SRGAP2C: variants seen among roughly 807,000 people sequenced by gnomAD.
SRGAP2C encodes the protein SLIT-ROBO Rho GTPase activating protein 2C, also known as SLIT-ROBO Rho GTPase-activating protein 2C.
A neutral mutation model predicts 25.1 loss-of-function variants in SRGAP2C; 15 were observed. The ratio of observed to expected loss-of-function variants is 0.60; its 90% confidence interval spans 0.40 to 0.92. The LOEUF (loss-of-function observed/expected upper bound fraction) is 0.92. Ranked by LOEUF, SRGAP2C falls within the 40% of genes least tolerant of loss-of-function variation. SRGAP2C has a pLI of 0.00. For synonymous variants in SRGAP2C, 44 were observed against 96.6 expected, an observed-to-expected ratio of 0.46 and a Z score of 3.19; for missense variants, 144 against 264.4, an observed-to-expected ratio of 0.54 and a Z score of 3.16.
At chr1:121,347,208 A>G (rs1349807545) in intron 4 of SRGAP2C, among the ~76,000 whole-genome samples, 1 of 109,940 alleles carries the variant, frequency 9.1e-6, no homozygotes, top group Non-Finnish European at 1.8e-5. Flanking sequence ...CAGCTAAGGA[A>G]GGCAAATCTG....
Position 121,390,866 on chromosome 1 carries a change from C to A in SRGAP2C, c.*3011C>A, listed in dbSNP as rs1553357565. 6.6e-6 allele frequency: 1 copy of A among 150,850 alleles called. No homozygotes were observed. The highest frequency in any genetic ancestry group is 1.5e-5 in the Non-Finnish European group (1 of 67,838). 9.3% of individuals were successfully genotyped at this position (150,850 alleles called of 1,614,324 possible). A position where few individuals can be genotyped will look rare whatever the true frequency, so the allele number is the denominator to read the frequency against. ...GACCAGCCTGGACAATGTGGTGAAA[C>A]CCTGTCTCTACTAAAAACACAAAAA... On this transcript the variant is annotated 3_prime_UTR_variant, in exon 10 of 10. Transcript: ENST00000367123.
In SRGAP2C at chr1:121,362,329, A is replaced by G. The variant is rs587671049; in HGVS notation, c.424-2964A>G. 10 of 146,194 alleles carry G rather than the reference A, an allele frequency of 6.8e-5. No individual in the cohort carries two copies. In the South Asian group the frequency reaches 2.3e-3, roughly 33 times the overall value. The allele number at this position is 146,194 out of a possible 1,614,324, so 9.1% of individuals were successfully genotyped here. On this transcript the variant is annotated intron_variant, in intron 4 of 9. Coordinates refer to ENST00000367123, the MANE Select transcript of SRGAP2C (RefSeq NM_001329984.2). Reference sequence around the variant, plus strand: ...CACATTTTAAGTGGGCTCGCTACACATGTATTCCCAGCCCAACCCTCAGCC... The same window carrying G: ...CACATTTTAAGTGGGCTCGCTACACGTGTATTCCCAGCCCAACCCTCAGCC...
rs1190926165 is a variant in SRGAP2C, at chr1:121,239,284, A to ATAC, written c.68-45517_68-45516insCTA. Among the ~76,000 whole-genome samples, 5 of 13,008 alleles carry ATAC rather than the reference A, an allele frequency of 3.8e-4. 2 individuals are homozygous for ATAC. The highest frequency in any genetic ancestry group is 4.7e-4 in the Non-Finnish European group (4 of 8,560). The allele number at this position is 13,008 out of a possible 152,430, so 8.5% of individuals were successfully genotyped here. On this transcript the variant is annotated intron_variant, in intron 2 of 9. Transcript: ENST00000367123. ...TATATATACTATATATATATATACT[A>ATAC]TATATATATATATATACATGCAACA...
intron 2 of SRGAP2C, among the ~76,000 whole-genome samples, chr1:121,270,208 T>TG (rs1656908414): frequency 1.3e-5 from 2 of 150,800 alleles, no homozygotes; most frequent in South Asian, 4.2e-4. Context: ...TACACTTGAG[T>TG]GATGACTCAG....
chr1:121,240,609 A>ATCAG (rs1265263478), intron 2 of SRGAP2C, among the ~76,000 whole-genome samples: 1 of 97,344 alleles, frequency 1.0e-5, no homozygotes, highest in Non-Finnish European at 1.9e-5. Flanking sequence ...GACAGTTTGC[A>ATCAG]TCAGTCAGTC....
At chr1:121,375,025 A>T in intron 7 of SRGAP2C, 71 bp downstream of exon 7, 1 of 719,918 alleles carries the variant, frequency 1.4e-6, no homozygotes, top group Non-Finnish European at 2.6e-6. Context: ...GACATTCCCG[A>T]TACTATTGTT....
Position 121,319,155 on chromosome 1 carries a change from TC to T in SRGAP2C, c.261-5322del, listed in dbSNP as rs1553340841. ...GCATAGTTCTTTTGCATCCATCATTTCATTTGATCCACACAACAGCCCTGAG... is the reference window on the plus strand; with the variant it reads ...GCATAGTTCTTTTGCATCCATCATTTATTTGATCCACACAACAGCCCTGAG... On this transcript the variant is annotated intron_variant, in intron 3 of 9. Coordinates refer to ENST00000367123, the MANE Select transcript of SRGAP2C (RefSeq NM_001329984.2). Among the ~76,000 whole-genome samples the T allele has an allele frequency of 5.9e-3, 854 of 144,660 alleles. 7 individuals carry two copies. The highest frequency in any genetic ancestry group is 0.028 in the Middle Eastern group (8 of 288). The allele number at this position is 144,660 out of a possible 152,430, so 94.9% of individuals were successfully genotyped here.
intron 3 of SRGAP2C, among the ~76,000 whole-genome samples, chr1:121,291,088 G>A (rs1657481877): frequency 7.3e-6 from 1 of 136,728 alleles, no homozygotes; most frequent in Non-Finnish European, 1.6e-5. Context: ...AGGTTTTGGG[G>A]TAATCTACAC....
intron 3 of SRGAP2C, among the ~76,000 whole-genome samples, chr1:121,323,960 A>G (rs1658266203): frequency 6.6e-6 from 1 of 152,198 alleles, no homozygotes; most frequent in Non-Finnish European, 1.5e-5. Flanking sequence ...AAACCAAATG[A>G]CTTAGTGGCT....
At chr1:121,341,602 C>A in intron 4 of SRGAP2C, among the ~76,000 whole-genome samples, 1 of 139,882 alleles carries the variant, frequency 7.1e-6, no homozygotes, top group Non-Finnish European at 1.5e-5. Context: ...ACATCTAAGG[C>A]CATGAGATGG....
intron 7 of SRGAP2C, among the ~76,000 whole-genome samples, chr1:121,375,704 G>C (rs587645391): frequency 2.0e-5 from 3 of 151,134 alleles, no homozygotes; most frequent in Admixed American, 2.0e-4. Flanking sequence ...TAACTAAAGA[G>C]TTACAATGCC....
intron 5 of SRGAP2C, among the ~76,000 whole-genome samples, chr1:121,368,055 A>G (rs1201723712): frequency 1.5e-3 from 129 of 88,506 alleles, no homozygotes; most frequent in Middle Eastern, 0.012. Flanking sequence ...CAGCCTGGGC[A>G]ACAGAGCGAG....
intron 2 of SRGAP2C, among the ~76,000 whole-genome samples, chr1:121,231,036 G>C (rs1209529073): frequency 1.5e-5 from 2 of 130,356 alleles, no homozygotes; most frequent in African/African-American, 3.1e-5. Flanking sequence ...GGCCTGTCGG[G>C]GGGTGAGAGG....
At chr1:121,291,100 CAAAG>C (rs1360180487) in intron 3 of SRGAP2C, among the ~76,000 whole-genome samples, 2 of 116,188 alleles carry the variant, frequency 1.7e-5, no homozygotes, top group East Asian at 4.3e-4. Context: ...AATCTACACA[CAAAG>C]TAAGAGCAAA....
intron 2 of SRGAP2C, among the ~76,000 whole-genome samples, chr1:121,198,998 G>A (rs1275937920): frequency 2.6e-4 from 40 of 152,114 alleles, no homozygotes; most frequent in Non-Finnish European, 8.8e-5. Context: ...TGTAAGATGG[G>A]AACAACAATT....
At position 121,244,548 on chromosome 1, in the gene SRGAP2C, C is replaced by CT. The variant is rs1485288036; in HGVS notation, c.68-40244dup. The stretch of plus-strand genomic sequence containing the variant: ...TTTCCTTTTGATTGGGCAATTAAGA[C>CT]TTTTTTTTTTTCCTATAAAGGTTCT... On this transcript the variant is annotated intron_variant, in intron 2 of 9. Transcript: ENST00000367123. 1.2e-3 allele frequency among the ~76,000 whole-genome samples: 69 copies of CT among 56,888 alleles called. No homozygotes were observed. The East Asian group carries it at 0.015, about 12-fold the overall frequency. 37.3% of individuals were successfully genotyped at this position (56,888 alleles called of 152,430 possible). A position where few individuals can be genotyped will look rare whatever the true frequency, so the allele number is the denominator to read the frequency against.
At chr1:121,293,611 G>C (rs1203485889) in intron 3 of SRGAP2C, among the ~76,000 whole-genome samples, 110 of 152,234 alleles carry the variant, frequency 7.2e-4, no homozygotes, top group African/African-American at 2.3e-3. Flanking sequence ...AAGTGCTCTT[G>C]GTTTCCTGGG....
intron 3 of SRGAP2C, among the ~76,000 whole-genome samples, chr1:121,286,463 G>T (rs1657369651): frequency 6.6e-6 from 1 of 151,364 alleles, no homozygotes; most frequent in Non-Finnish European, 1.5e-5. Flanking sequence ...TCGCTATGTT[G>T]CCCAGTTTGG....
intron 2 of SRGAP2C, among the ~76,000 whole-genome samples, chr1:121,265,952 G>A (rs1331586899): frequency 6.6e-6 from 1 of 151,654 alleles, no homozygotes; most frequent in African/African-American, 2.4e-5. Flanking sequence ...ACTTCTTGTT[G>A]TTGGTTTTTT....
Sources: gnomAD v4.1 joint callset for allele counts (sites outside exome capture counted in the v4.1 genomes callset) on GRCh38, gnomAD v4.1.1 for gene constraint, MANE v1.5 for transcripts, NCBI Gene and HGNC (gene_info 2026-07-23, HGNC 2026-07-21) for gene names.